Variants in CADPS observed in about 807,000 individuals in gnomAD.
The protein encoded by CADPS is calcium dependent secretion activator, also known as calcium-dependent secretion activator 1.
In CADPS, 57 loss-of-function variants were observed where a neutral mutation model predicts 167.3. The ratio of observed to expected loss-of-function variants is 0.34; its 90% CI spans 0.28 to 0.42. The LOEUF (loss-of-function observed/expected upper bound fraction) is 0.42, where lower values mean the gene tolerates loss of function less well. Ranked by LOEUF, CADPS falls within the 20% of genes least tolerant of loss-of-function variation. The probability of loss-of-function intolerance (pLI) is 1.00; values close to 1 mark genes in which losing one functional copy is unlikely to be tolerated. For synonymous variants in CADPS, 676 were observed against 635.3 expected (o/e 1.06, Z -0.96); for missense variants, 1,414 against 1,738.1 (o/e 0.81, Z 3.32).
intron 1 of CADPS, among the ~76,000 whole-genome samples, chr3:62,841,351 C>T (rs1024680737): frequency 6.6e-6 from 1 of 152,282 alleles, no homozygotes; most frequent in East Asian, 1.9e-4. Flanking sequence ...TGGGTATTTT[C>T]CCCTTAGAGA....
chr3:62,407,236 G>A (rs776019155), intron 28 of CADPS, among the ~76,000 whole-genome samples: 4 of 152,164 alleles, frequency 2.6e-5, no homozygotes, highest in Non-Finnish European at 2.9e-5. Context: ...AGTGGAACAC[G>A]TTACCAGGGA....
intron 29 of CADPS, among the ~76,000 whole-genome samples, chr3:62,401,953 C>T (rs922560650): frequency 6.6e-6 from 1 of 152,088 alleles, no homozygotes; most frequent in African/African-American, 2.4e-5. Flanking sequence ...AAATGGAATT[C>T]AAGTGGTCAG....
At chr3:62,437,914 G>A (rs532695254) in intron 28 of CADPS, among the ~76,000 whole-genome samples, 190 bp downstream of exon 28, 1 of 152,292 alleles carries the variant, frequency 6.6e-6, no homozygotes, top group Admixed American at 6.5e-5. Flanking sequence ...CTGAGACACT[G>A]CCACACCAGA....
At chr3:62,691,002 G>A (rs1321725441) in intron 3 of CADPS, among the ~76,000 whole-genome samples, 1 of 152,080 alleles carries the variant, frequency 6.6e-6, no homozygotes, top group Non-Finnish European at 1.5e-5. Flanking sequence ...TGAAAAAGAA[G>A]TGAGCTATCA....
In CADPS at chr3:62,717,309, A is replaced by G. The variant is rs536828833; in HGVS notation, c.888+36132T>C. Among the ~76,000 whole-genome samples, 11 of 152,318 alleles carry G rather than the reference A, an allele frequency of 7.2e-5. No individual in the cohort carries two copies. In the South Asian group the frequency reaches 2.3e-3, roughly 32 times the overall value. On this transcript the variant is annotated intron_variant, in intron 3 of 29. Coordinates refer to ENST00000383710, the MANE Select transcript of CADPS (RefSeq NM_003716.4). ...ATAAATGCCAAATGGTCTGGTAACAACACAAATGAGTCCTGTGGTGTTTAG... is the reference window on the plus strand; with the variant it reads ...ATAAATGCCAAATGGTCTGGTAACAGCACAAATGAGTCCTGTGGTGTTTAG...
chr3:62,621,253 C>T (rs983597824), intron 6 of CADPS, among the ~76,000 whole-genome samples: 4 of 151,982 alleles, frequency 2.6e-5, no homozygotes, highest in South Asian at 2.1e-4. Flanking sequence ...GAGGGAAGTA[C>T]GGAGGATGGG....
chr3:62,502,318 T>C (rs2065898477), intron 17 of CADPS, among the ~76,000 whole-genome samples: 1 of 151,996 alleles, frequency 6.6e-6, no homozygotes, highest in African/African-American at 2.4e-5. Flanking sequence ...TTTTTTTTTT[T>C]GGCCACTTAA....
rs1346777719 is a variant in CADPS at position 62,398,639 on chromosome 3, A to AT, written c.*766dup. 3.9e-5 allele frequency: 6 copies of AT among 152,596 alleles called. No individual in the cohort carries two copies. In the South Asian group the frequency reaches 6.2e-4, roughly 16 times the overall value. 9.5% of individuals were successfully genotyped at this position (152,596 alleles called of 1,614,324 possible). On this transcript the variant is annotated 3_prime_UTR_variant, in exon 30 of 30. Transcript: ENST00000383710. ...GTCTAGGGTTGTAATTTAAATATTC[A>AT]TTTTTTTTACATACACAGTTGAGAC...
intron 7 of CADPS, among the ~76,000 whole-genome samples, chr3:62,586,755 A>C (rs1003274228): frequency 6.6e-6 from 1 of 152,220 alleles, no homozygotes; most frequent in Non-Finnish European, 1.5e-5. Flanking sequence ...AATGTTGTTG[A>C]GCAATTAGCC....
intron 6 of CADPS, chr3:62,625,986 T>C (rs1382619839): frequency 6.6e-6 from 1 of 151,408 alleles, no homozygotes; most frequent in Non-Finnish European, 1.5e-5. Context: ...TTACACCTTG[T>C]AGATAATTGA....
At position 62,539,264 on chromosome 3, in the gene CADPS, C is replaced by T. The variant is rs182775544; in HGVS notation, c.1967-2683G>A. Among the ~76,000 whole-genome samples the T allele has an allele frequency of 2.8e-4, 43 of 152,226 alleles. No individual in the cohort carries two copies. In the East Asian group the frequency reaches 7.9e-3, roughly 28 times the overall value. On this transcript the variant is annotated intron_variant, in intron 11 of 29. Transcript: ENST00000383710. The stretch of plus-strand genomic sequence containing the variant: ...GAGGAGCTGAATTTTCAGTTCCCTT[C>T]CTGCCGTTATAGGCTGTAATTTAAT...
chr3:62,699,521 T>C (rs1042930939), intron 3 of CADPS, among the ~76,000 whole-genome samples: 14 of 152,128 alleles, frequency 9.2e-5, no homozygotes, highest in African/African-American at 3.4e-4. Context: ...TAATAAACAT[T>C]GTTCATCAAT....
chr3:62,526,270 T>C (rs938610200), intron 13 of CADPS, among the ~76,000 whole-genome samples: 1 of 152,192 alleles, frequency 6.6e-6, no homozygotes, highest in African/African-American at 2.4e-5. Context: ...CAGAGATTTT[T>C]AAGATTCATA....
At chr3:62,867,406 A>G (rs2081901814) in intron 1 of CADPS, among the ~76,000 whole-genome samples, 1 of 152,056 alleles carries the variant, frequency 6.6e-6, no homozygotes, top group African/African-American at 2.4e-5. Flanking sequence ...GCCATTTAAA[A>G]TATCTCCTAT....
chr3:62,861,484 G>T (rs116741937), intron 1 of CADPS, among the ~76,000 whole-genome samples: 2,021 of 152,158 alleles, frequency 0.013, 37 homozygotes, highest in African/African-American at 0.046. Context: ...CTACATATAG[G>T]CATTGATTTT....
intron 1 of CADPS, among the ~76,000 whole-genome samples, chr3:62,828,446 T>A (rs12491258): frequency 0.3 from 44,890 of 152,034 alleles, 7,540 homozygotes; most frequent in East Asian, 0.49. Context: ...ACTGGGCAAA[T>A]GGCCAATTAG....
Position 62,399,828 on chromosome 3 carries a change from A to G in CADPS, c.3883-243T>C, listed in dbSNP as rs1037185473. On this transcript the variant is annotated intron_variant, in intron 29 of 29. Transcript: ENST00000383710. This position sits in a 1 kb window ranked among gnomAD's most constrained non-coding sequence, Gnocchi z 5.6. ...TATTAGATGAGACAAAGCAAAGAAC[A>G]TAAGCTTGTGTTTATTCAGTTCCAT... 6.6e-6 allele frequency among the ~76,000 whole-genome samples: 1 copy of G among 152,246 alleles called. No individual in the cohort carries two copies. The highest frequency in any genetic ancestry group is 2.4e-5 in the African/African-American group (1 of 41,464).
chr3:62,546,089 T>C (rs2076406711), intron 11 of CADPS, among the ~76,000 whole-genome samples: 1 of 152,098 alleles, frequency 6.6e-6, no homozygotes. Flanking sequence ...CCTTACCTTT[T>C]TGGAAGTCAA....
chr3:62,705,476 T>C (rs1024191082), intron 3 of CADPS, among the ~76,000 whole-genome samples: 1 of 152,182 alleles, frequency 6.6e-6, no homozygotes, highest in South Asian at 2.1e-4. Flanking sequence ...GGTGTGTCTG[T>C]GAGGGTGTTG....
Sources: gnomAD v4.1 joint callset for allele counts (sites outside exome capture counted in the v4.1 genomes callset) on GRCh38, gnomAD v4.1.1 for gene constraint, Gnocchi (gnomAD v3.1) non-coding constraint, MANE v1.5 for transcripts, NCBI Gene and HGNC (gene_info 2026-07-23, HGNC 2026-07-21) for gene names.